Variants in UFSP2 observed in about 807,000 individuals in gnomAD.
UFSP2 encodes the protein ufm1-specific protease 2.
A neutral mutation model predicts 60.2 loss-of-function variants in UFSP2; 43 were observed. The observed-to-expected ratio is 0.71, with a 90% CI of 0.56 to 0.92. UFSP2 has a LOEUF of 0.92. Ranked by LOEUF, UFSP2 falls within the 40% of genes least tolerant of loss-of-function variation. The pLI is 0.00. For synonymous variants in UFSP2, 183 were observed against 195.1 expected, an observed-to-expected ratio of 0.94 and a Z score of 0.52; for missense variants, 520 against 575.0, an observed-to-expected ratio of 0.90 and a Z score of 0.98.
chr4:185,401,395 G>A (rs963998328), intron 11 of UFSP2, among the ~76,000 whole-genome samples: 3 of 152,104 alleles, frequency 2.0e-5, no homozygotes, highest in Non-Finnish European at 2.9e-5. Context: ...AGAGAAAAAA[G>A]GCTCATTCTG....
rs568183876 is a variant in UFSP2, at chr4:185,424,849, G to C, written c.3+1017C>G. On this transcript the variant is annotated intron_variant, in intron 1 of 11. Coordinates refer to ENST00000264689, the MANE Select transcript of UFSP2 (RefSeq NM_018359.5). ...AACTGGAAAAATACACAACTTCCCA[G>C]GGTTGTTATGAAGATTCCACAAGAC... Among the ~76,000 whole-genome samples the C allele has an allele frequency of 2.6e-5, 4 of 152,250 alleles. No individual in the cohort carries two copies. In the South Asian group the frequency reaches 8.3e-4, roughly 32 times the overall value.
chr4:185,418,851 G>T, intron 2 of UFSP2, 81 bp from the exon 3 acceptor site: 2 of 1,145,278 alleles, frequency 1.7e-6, no homozygotes, highest in Non-Finnish European at 2.4e-6. Flanking sequence ...CAAAAGTAGA[G>T]CATAGTAAAA....
intron 5 of UFSP2, 127 bp downstream of exon 5, chr4:185,415,583 G>T: frequency 1.1e-6 from 1 of 895,560 alleles, no homozygotes; most frequent in Non-Finnish European, 1.6e-6. Context: ...TTAATTAATA[G>T]ATGGCTCTTA....
intron 10 of UFSP2, among the ~76,000 whole-genome samples, chr4:185,403,902 C>A (rs113700088): frequency 7.3e-6 from 1 of 136,426 alleles, no homozygotes; most frequent in Admixed American, 8.8e-5. Context: ...ACCTGGGAGA[C>A]GGAGCTTGCA....
rs1358671488 is a variant in UFSP2 at position 185,403,986 on chromosome 4, AAC to A, written c.1199-370_1199-369del. On this transcript the variant is annotated intron_variant, in intron 10 of 11. Transcript: ENST00000264689. ...ACTCTCAAAAAAAAAAACAAAAAAA[AAC>A]AACATTACTTTGCTTATTAACTGAT... Among the ~76,000 whole-genome samples, 31 of 150,324 alleles carry A rather than the reference AAC, an allele frequency of 2.1e-4. 5 individuals carry two copies. Among genetic ancestry groups the A allele is most frequent in the East Asian group, 9.8e-4 (5 of 5,102 alleles).
intron 5 of UFSP2, 149 bp from the exon 6 acceptor site, chr4:185,415,496 CTG>C: frequency 4.8e-6 from 4 of 832,936 alleles, no homozygotes; most frequent in East Asian, 2.9e-5. Context: ...ATAAAAGAAA[CTG>C]TGTATTTGCT....
rs1286391161 is a variant in UFSP2 at position 185,418,790 on chromosome 4, A to G, written c.83-20T>C. 6.4e-7 allele frequency: 1 copy of G among 1,559,310 alleles called. No individual in the cohort carries two copies. On this transcript the variant is annotated intron_variant, in intron 2 of 11. Coordinates refer to ENST00000264689, the MANE Select transcript of UFSP2 (RefSeq NM_018359.5). Reference sequence around the variant, plus strand: ...AAATTTCTAAATTAAAAGAATATAAATAGAAGTTAAGAAAAACAAATTTTT... The same window carrying G: ...AAATTTCTAAATTAAAAGAATATAAGTAGAAGTTAAGAAAAACAAATTTTT...
rs918158692 is a variant in UFSP2, at chr4:185,413,879, T to G, written c.685-7A>C. 2.5e-6 allele frequency: 4 copies of G among 1,584,072 alleles called. No individual in the cohort carries two copies. Among genetic ancestry groups the G allele is most frequent in the African/African-American group, 1.4e-5 (1 of 73,372 alleles). On this transcript the variant is annotated splice_polypyrimidine_tract_variant and splice_region_variant and intron_variant, in intron 6 of 11. Coordinates refer to ENST00000264689, the MANE Select transcript of UFSP2 (RefSeq NM_018359.5). ...TGAAAAGATCATGTAACTCCTAAAATAAATCAGAATCAACAGAAAAAGAAA... is the reference window on the plus strand; with the variant it reads ...TGAAAAGATCATGTAACTCCTAAAAGAAATCAGAATCAACAGAAAAAGAAA...
In UFSP2 at chr4:185,399,777, A is replaced by G; in HGVS notation, c.*615T>C. ...CCAGTGGGAAAAGGAAGTGCTGGTA[A>G]GTAACTCAGAGCTGCTGCTTTTTTC... On this transcript the variant is annotated 3_prime_UTR_variant, in exon 12 of 12. Coordinates refer to ENST00000264689, the MANE Select transcript of UFSP2 (RefSeq NM_018359.5). 6.2e-7 allele frequency: 1 copy of G among 1,613,926 alleles called. No individual in the cohort carries two copies. The highest frequency in any genetic ancestry group is 8.5e-7 in the Non-Finnish European group (1 of 1,179,940).
intron 9 of UFSP2, chr4:185,406,177 T>C: frequency 2.9e-6 from 1 of 350,188 alleles, no homozygotes; most frequent in South Asian, 2.6e-5. Context: ...AGGGAGTTCT[T>C]ATGGATGGAT....
chr4:185,425,778 C>T, intron 1 of UFSP2, 88 bp downstream of exon 1: 1 of 1,551,198 alleles, frequency 6.4e-7, no homozygotes, highest in Non-Finnish European at 8.7e-7. Flanking sequence ...GCAGGACCAG[C>T]TCCTTTCAGG....
At chr4:185,414,824 T>C (rs1023922347) in intron 6 of UFSP2, among the ~76,000 whole-genome samples, 3 of 152,226 alleles carry the variant, frequency 2.0e-5, no homozygotes, top group African/African-American at 7.2e-5. Context: ...CGGAAAGTTA[T>C]AGAAATCTGT....
intron 9 of UFSP2, 155 bp from the exon 10 acceptor site, chr4:185,406,011 A>G: frequency 6.8e-7 from 1 of 1,471,276 alleles, no homozygotes; most frequent in Non-Finnish European, 9.2e-7. Context: ...ACTGAGAGCA[A>G]TTAAACTGTG....
At chr4:185,411,263 G>A (rs531788867) in intron 7 of UFSP2, among the ~76,000 whole-genome samples, 2 of 151,716 alleles carry the variant, frequency 1.3e-5, no homozygotes, top group Non-Finnish European at 2.9e-5. Context: ...AACTAAATTG[G>A]TTACTAAAAA....
intron 10 of UFSP2, among the ~76,000 whole-genome samples, 164 bp downstream of exon 10, chr4:185,405,616 C>T (rs2095519413): frequency 6.6e-6 from 1 of 152,104 alleles, no homozygotes; most frequent in African/African-American, 2.4e-5. Flanking sequence ...ACCTTTAAGC[C>T]ACCTTAGAAA....
At chr4:185,418,356 G>A in intron 4 of UFSP2, 85 bp downstream of exon 4, 1 of 1,054,840 alleles carries the variant, frequency 9.5e-7, no homozygotes, top group South Asian at 1.6e-5. Context: ...TGATAAGAGG[G>A]TTAAATTATT....
chr4:185,419,321 G>A (rs561596708), intron 2 of UFSP2, among the ~76,000 whole-genome samples: 12 of 152,044 alleles, frequency 7.9e-5, no homozygotes, highest in African/African-American at 2.2e-4. Flanking sequence ...TAGTAGAGAC[G>A]GGGTTTCACC....
At chr4:185,407,548 A>G (rs2095522644) in intron 9 of UFSP2, among the ~76,000 whole-genome samples, 1 of 152,186 alleles carries the variant, frequency 6.6e-6, no homozygotes, top group Non-Finnish European at 1.5e-5. Flanking sequence ...GCAGGAGGTA[A>G]ACAAAAAGGT....
intron 11 of UFSP2, among the ~76,000 whole-genome samples, chr4:185,400,864 C>T (rs1356722831): frequency 6.6e-6 from 1 of 152,218 alleles, no homozygotes; most frequent in Non-Finnish European, 1.5e-5. Context: ...TCAGTGGCAT[C>T]TTAGGATTGA....
Sources: gnomAD v4.1 joint callset for allele counts (sites outside exome capture counted in the v4.1 genomes callset) on GRCh38, gnomAD v4.1.1 for gene constraint, MANE v1.5 for transcripts, NCBI Gene and HGNC (gene_info 2026-07-23, HGNC 2026-07-21) for gene names.